Variants in PDE6G observed in about 807,000 individuals in gnomAD.
The protein encoded by PDE6G is phosphodiesterase 6G, also known as rod cGMP 3',5'-cyclic phosphodiesterase subunit gamma.
In PDE6G, 10 loss-of-function variants were observed where a neutral mutation model predicts 10.9. The ratio of observed to expected loss-of-function variants is 0.91; its 90% CI spans 0.56 to 1.55. The LOEUF is 1.55. PDE6G is among the 40% of genes most tolerant of loss of function. The pLI, the probability that PDE6G is intolerant of heterozygous loss-of-function variation, is 0.00. For synonymous variants in PDE6G, 41 were observed against 42.8 expected, an observed-to-expected ratio of 0.96 and a Z score of 0.16; for missense variants, 102 against 110.1, an observed-to-expected ratio of 0.93 and a Z score of 0.33.
At chr17:81,658,667 C>T (rs1447539838), upstream of PDE6G, among the ~76,000 whole-genome samples, 2 of 151,802 alleles carry the variant, frequency 1.3e-5, no homozygotes, top group Non-Finnish European at 2.9e-5. Flanking sequence ...ATGGTGAAAC[C>T]CTGTCTCTAC....
chr17:81,655,150 G>A (rs183190932), intron 1 of PDE6G, among the ~76,000 whole-genome samples: 5 of 152,268 alleles, frequency 3.3e-5, no homozygotes, highest in Admixed American at 6.5e-5. Flanking sequence ...ACCCACTCAC[G>A]GAGGCATCCC....
In PDE6G at chr17:81,656,539, TC is replaced by T. The variant is rs751018443; in HGVS notation, c.-107del. 3 of 763,282 alleles carry T rather than the reference TC, an allele frequency of 3.9e-6. No individual in the cohort carries two copies. In the African/African-American group the frequency reaches 5.1e-5, roughly 13 times the overall value. The allele number at this position is 763,282 out of a possible 1,614,324, so 47.3% of individuals were successfully genotyped here. A position where few individuals can be genotyped will look rare whatever the true frequency, so the allele number is the denominator to read the frequency against. Reference sequence around the variant, plus strand: ...GGGGCTGTGCTGTGAGTGCTGGGCCTCCCTCCGCAGGGTGCCAGCCCCGGCC... The same window carrying T: ...GGGGCTGTGCTGTGAGTGCTGGGCCTCCTCCGCAGGGTGCCAGCCCCGGCC... On this transcript the variant is annotated 5_prime_UTR_variant, in exon 1 of 4. Coordinates refer to ENST00000331056, the MANE Select transcript of PDE6G (RefSeq NM_002602.4).
chr17:81,658,272 G>C (rs915360646), upstream of PDE6G, among the ~76,000 whole-genome samples: 2 of 151,768 alleles, frequency 1.3e-5, no homozygotes, highest in Non-Finnish European at 2.9e-5. Context: ...TTTTAGTAGA[G>C]ACAGGGTTTC....
At chr17:81,659,195 T>C (rs2036486468), upstream of PDE6G, among the ~76,000 whole-genome samples, 1 of 148,924 alleles carries the variant, frequency 6.7e-6, no homozygotes, top group Non-Finnish European at 1.5e-5. Flanking sequence ...TCTGGCTCTG[T>C]CACCTAGGCT....
Position 81,651,086 on chromosome 17 carries a change from A to T in PDE6G, c.252T>A (p.Tyr84Ter). 1 of 1,612,982 alleles carries T rather than the reference A, an allele frequency of 6.2e-7. No individual in the cohort carries two copies. The highest frequency in any genetic ancestry group is 8.5e-7 in the Non-Finnish European group (1 of 1,178,992). ...NHLELHELAQ[Y>*]GII ...GCAGGGCCTCGTGCTAGATGATGCC[A>T]TATTGGGCCAGCTCGTGCAGCTCCA... The change falls in exon 4 of 4, where the codon TAT becomes TAA. Residue 84 changes from tyrosine to a stop codon, truncating the protein, a stop_gained. Transcript: ENST00000331056. LOFTEE classifies it high-confidence loss of function. This position sits in a 1 kb window ranked among gnomAD's most constrained non-coding sequence, Gnocchi z 4.8.
upstream of PDE6G, among the ~76,000 whole-genome samples, chr17:81,660,040 G>A (rs1027906227): frequency 1.3e-5 from 2 of 152,084 alleles, no homozygotes; most frequent in African/African-American, 2.4e-5. Context: ...AGCCAAGATC[G>A]TGCCATTGCA....
In PDE6G at chr17:81,653,435, C is replaced by T. The variant is rs949012564; in HGVS notation, c.-59-71G>A. On this transcript the variant is annotated intron_variant, in intron 1 of 3. Coordinates refer to ENST00000331056, the MANE Select transcript of PDE6G (RefSeq NM_002602.4). The surrounding 1 kb of genome is among the most constrained non-coding windows in gnomAD (Gnocchi z 5.2). ...AACCCTTGTGGGGGTCTCAACCCAC[C>T]GGTGGAGGGGCTGAGACCCAGCCCC... The T allele has an allele frequency of 1.1e-5, 12 of 1,080,622 alleles. No individual in the cohort carries two copies. The highest frequency in any genetic ancestry group is 1.1e-4 in the African/African-American group (7 of 64,242). 66.9% of individuals were successfully genotyped at this position (1,080,622 alleles called of 1,614,324 possible). A position where few individuals can be genotyped will look rare whatever the true frequency, so the allele number is the denominator to read the frequency against.
chr17:81,651,647 G>A lies in PDE6G; in HGVS notation c.185C>T (p.Thr62Ile). 1.2e-6 allele frequency: 2 copies of A among 1,613,974 alleles called. No homozygotes were observed. Among genetic ancestry groups the A allele is most frequent in the Non-Finnish European group, 1.7e-6 (2 of 1,179,894 alleles). The change falls in exon 3 of 4, where the codon ACA becomes ATA. Residue 62 changes from threonine (T) to isoleucine (I), a missense_variant and splice_region_variant. By Grantham distance (89) the Thr-to-Ile change is moderately conservative. Coordinates refer to ENST00000331056, the MANE Select transcript of PDE6G (RefSeq NM_002602.4). This position sits in a 1 kb window ranked among gnomAD's most constrained non-coding sequence, Gnocchi z 4.8. The part of the protein sequence containing the change: ...DDIPGMEGLG[T>I]DITVICPWEA... ...GTTGGTACTGGCAGCCGTCATACCT[G>A]TTCCCAGGCCTTCCATTCCAGGGAT...
chr17:81,656,553 GCCAGCCCCGGCCTTTA>G (rs756692758), upstream of PDE6G: 2 of 761,650 alleles, frequency 2.6e-6, no homozygotes, highest in Non-Finnish European at 4.8e-6. Flanking sequence ...TCCGCAGGGT[GCCAGCCCCGGCCTTTA>G]TCTCGCTGCT....
chr17:81,653,009 G>A lies in PDE6G; in HGVS notation c.146+151C>T. ...TTCCCCCTCCTCCATCCCTGCTCAGGCCCTCAGGCACCGCCCTACCTTCCC... is the reference window on the plus strand; with the variant it reads ...TTCCCCCTCCTCCATCCCTGCTCAGACCCTCAGGCACCGCCCTACCTTCCC... On this transcript the variant is annotated intron_variant, in intron 2 of 3. Coordinates refer to ENST00000331056, the MANE Select transcript of PDE6G (RefSeq NM_002602.4). This position sits in a 1 kb window ranked among gnomAD's most constrained non-coding sequence, Gnocchi z 5.2. The A allele has an allele frequency of 1.1e-6, 1 of 899,126 alleles. No homozygotes were observed. 55.7% of individuals were successfully genotyped at this position (899,126 alleles called of 1,614,324 possible).
At chr17:81,662,707 C>A (rs1487985917) in intron 1 of PDE6G, among the ~76,000 whole-genome samples, 1 of 152,136 alleles carries the variant, frequency 6.6e-6, no homozygotes, top group Non-Finnish European at 1.5e-5. Context: ...CTCATGAAAA[C>A]TAAGCAGTTG....
chr17:81,662,554 T>C (rs562564903), intron 1 of PDE6G, among the ~76,000 whole-genome samples: 2 of 149,160 alleles, frequency 1.3e-5, no homozygotes, highest in East Asian at 4.1e-4. Flanking sequence ...ACCCGCGAGG[T>C]GGAGGTTGTG....
chr17:81,654,441 G>A (rs1417737948), intron 1 of PDE6G, among the ~76,000 whole-genome samples: 13 of 145,326 alleles, frequency 8.9e-5, no homozygotes, highest in South Asian at 4.4e-4. Flanking sequence ...GTGCAGTGGC[G>A]AGATCTTGGC....
rs762693282 is a variant in PDE6G at position 81,651,115 on chromosome 17, G to T, written c.223C>A (p.His75Asn). 15 of 1,613,884 alleles carry T rather than the reference G, an allele frequency of 9.3e-6. No homozygotes were observed. The highest frequency in any genetic ancestry group is 1.2e-5 in the Non-Finnish European group (14 of 1,179,778). ...TGGGCCAGCTCGTGCAGCTCCAGGT[G>T]GTTGAAGGCCTCCCAAGGGCAGATG... is the stretch of plus-strand genomic sequence containing the variant. ...TVICPWEAFN[H>N]LELHELAQYG... is the part of the protein sequence containing the mutation. The change falls in exon 4 of 4, where the codon CAC (histidine) becomes AAC (asparagine). Residue 75 changes from histidine to asparagine, a missense_variant. By Grantham distance (68) the His-to-Asn change is moderately conservative (BLOSUM62 1). Transcript: ENST00000331056. This position sits in a 1 kb window ranked among gnomAD's most constrained non-coding sequence, Gnocchi z 4.8.
At chr17:81,659,370 G>A (rs1027314346), upstream of PDE6G, among the ~76,000 whole-genome samples, 3 of 151,902 alleles carry the variant, frequency 2.0e-5, no homozygotes, top group African/African-American at 7.3e-5. Flanking sequence ...AGGACGAGGT[G>A]GCTGGACCAC....
At chr17:81,661,889 G>A (rs2036515670) in intron 1 of PDE6G, among the ~76,000 whole-genome samples, 1 of 150,082 alleles carries the variant, frequency 6.7e-6, no homozygotes, top group African/African-American at 2.5e-5. Flanking sequence ...AAATCAGCCG[G>A]GCATGGTGGC....
At chr17:81,656,269 G>A (rs2036445559) in intron 1 of PDE6G, among the ~76,000 whole-genome samples, 1 of 152,204 alleles carries the variant, frequency 6.6e-6, no homozygotes, top group African/African-American at 2.4e-5. Flanking sequence ...TCACTGGCCT[G>A]GGGATGGTGG....
chr17:81,656,808 C>T, upstream of PDE6G: 1 of 600,658 alleles, frequency 1.7e-6, no homozygotes. Context: ...ACAGTGTCTG[C>T]TGTCTTGGGC....
upstream of PDE6G, among the ~76,000 whole-genome samples, chr17:81,661,083 A>C (rs1190523512): frequency 2.0e-5 from 3 of 152,192 alleles, no homozygotes; most frequent in Non-Finnish European, 4.4e-5. Flanking sequence ...ATGCCCAGCT[A>C]AGTTTTTAAA....
Sources: gnomAD v4.1 joint callset for allele counts (sites outside exome capture counted in the v4.1 genomes callset) on GRCh38, gnomAD v4.1.1 for gene constraint, Gnocchi (gnomAD v3.1) non-coding constraint, MANE v1.5 for transcripts, NCBI Gene and HGNC (gene_info 2026-07-23, HGNC 2026-07-21) for gene names.